The following TTLL9 variants were observed in gnomAD, a reference collection of about 807,000 sequenced individuals.
TTLL9 encodes tubulin tyrosine ligase like 9.
Under a neutral mutation model 65.6 loss-of-function variants are expected in TTLL9, and 47 were observed. That is an observed-to-expected ratio of 0.72 (90% CI 0.57 to 0.91). TTLL9 has a LOEUF of 0.91. Among genes scored for constraint, TTLL9 ranks in the 40% least tolerant of loss-of-function variants. TTLL9 has a pLI of 0.00. For missense variants in TTLL9, 537 were observed against 568.8 expected (o/e 0.94, Z 0.57); for synonymous variants, 179 against 204.8 (o/e 0.87, Z 1.07).
chr20:31,908,569 C>T, intron 4 of TTLL9, 22 bp from the exon 5 acceptor site: 1 of 1,581,796 alleles, frequency 6.3e-7, no homozygotes, highest in Non-Finnish European at 8.7e-7. Flanking sequence ...GACCTTTATC[C>T]CCGCCCCCAC....
rs1241236383 is a variant in TTLL9, at chr20:31,939,234, G to A, written c.1211G>A (p.Gly404Glu). ...GAGGAGGGGGCTCCTGACCTGTCGG[G>A]AATGGGAAACTTTGTGACCAACACA... is the stretch of plus-strand genomic sequence containing the variant. ...SREEGAPDLS[G>E]MGNFVTNTHL... is the part of the protein sequence containing the mutation. The change falls in exon 14 of 15, where the codon GGA (glycine) becomes GAA (glutamate). Residue 404 changes from glycine to glutamate, a missense_variant. Physicochemically the swap from Gly to Glu is moderately conservative, Grantham distance 98. Coordinates refer to ENST00000535842, the MANE Select transcript of TTLL9 (RefSeq NM_001008409.5). 6.2e-7 allele frequency: 1 copy of A among 1,613,704 alleles called. No homozygotes were observed. The highest frequency in any genetic ancestry group is 8.5e-7 in the Non-Finnish European group (1 of 1,179,824).
At chr20:31,896,614 C>T (rs1355109558) in intron 3 of TTLL9, among the ~76,000 whole-genome samples, 1 of 152,076 alleles carries the variant, frequency 6.6e-6, no homozygotes, top group Non-Finnish European at 1.5e-5. Flanking sequence ...ACTGCAACCT[C>T]TGCCTCCCCA....
intron 2 of TTLL9, among the ~76,000 whole-genome samples, chr20:31,884,698 A>G (rs1795324466): frequency 6.6e-6 from 1 of 152,156 alleles, no homozygotes; most frequent in Non-Finnish European, 1.5e-5. Flanking sequence ...TTCTTCTCAC[A>G]TTGCGTGACT....
Sources: allele counts gnomAD v4.1 joint callset (sites outside exome capture counted in the v4.1 genomes callset), GRCh38; gene constraint gnomAD v4.1.1; transcripts MANE v1.5; gene names NCBI Gene and HGNC (gene_info 2026-07-23, HGNC 2026-07-21).